CDH11: variants seen among roughly 807,000 people sequenced by gnomAD.
CDH11 encodes the protein cadherin 11, also known as cadherin-11.
A neutral mutation model predicts 67.8 loss-of-function variants in CDH11; 11 were observed. That is an observed-to-expected ratio of 0.16 (90% confidence interval 0.10 to 0.27). CDH11 has a LOEUF of 0.27. Among genes scored for constraint, CDH11 ranks in the 10% least tolerant of loss-of-function variants. The probability of loss-of-function intolerance (pLI) is 1.00; values close to 1 mark genes in which losing one functional copy is unlikely to be tolerated. For missense variants in CDH11, 847 were observed against 1,031.2 expected (o/e 0.82, Z 2.45); for synonymous variants, 419 against 400.0 (o/e 1.05, Z -0.57).
Position 64,945,301 on chromosome 16 carries a change from T to TAAAA in CDH11, c.*2298_*2301dup, listed in dbSNP as rs3046001. On this transcript the variant is annotated 3_prime_UTR_variant, in exon 13 of 13. Coordinates refer to ENST00000268603, the MANE Select transcript of CDH11 (RefSeq NM_001797.4). ...AGAGGCTTAACGAAAAAATAAAAGGTAAAAAAAAAAAAAAAAAAGAAAAAG... is the reference window on the plus strand; with the variant it reads ...AGAGGCTTAACGAAAAAATAAAAGGTAAAAAAAAAAAAAAAAAAAAAAGAAAAAG... The TAAAA allele has an allele frequency of 4.1e-5, 16 of 388,282 alleles. No homozygotes were observed. The highest frequency in any genetic ancestry group is 1.2e-4 in the African/African-American group (5 of 40,094). 24.1% of individuals were successfully genotyped at this position (388,282 alleles called of 1,614,324 possible).
rs2071199013 is a variant in CDH11, at chr16:64,946,442, T to C, written c.*1161A>G. The C allele has an allele frequency of 2.8e-5, 29 of 1,033,386 alleles. No homozygotes were observed. The East Asian group carries it at 1.8e-3, about 62-fold the overall frequency. The allele number at this position is 1,033,386 out of a possible 1,614,324, so 64.0% of individuals were successfully genotyped here. On this transcript the variant is annotated 3_prime_UTR_variant, in exon 13 of 13. Coordinates refer to ENST00000268603, the MANE Select transcript of CDH11 (RefSeq NM_001797.4). ...GGATTCATCTCTCATAACCATCAAATTACTGATATACAAGATAAATGCATA... is the reference window on the plus strand; with the variant it reads ...GGATTCATCTCTCATAACCATCAAACTACTGATATACAAGATAAATGCATA...
intron 1 of CDH11, among the ~76,000 whole-genome samples, chr16:65,055,013 C>A (rs2074119780): frequency 6.6e-6 from 1 of 152,212 alleles, no homozygotes; most frequent in African/African-American, 2.4e-5. Flanking sequence ...GTTTTGGTGA[C>A]TGTAGCAAGA....
intron 2 of CDH11, among the ~76,000 whole-genome samples, chr16:65,013,804 G>T (rs781200896): frequency 6.6e-6 from 1 of 151,272 alleles, no homozygotes; most frequent in Non-Finnish European, 1.5e-5. Context: ...TTCAGCCTGG[G>T]CAACAGAGCA....
chr16:65,000,175 A>G (rs966998946), intron 3 of CDH11, among the ~76,000 whole-genome samples: 1 of 152,220 alleles, frequency 6.6e-6, no homozygotes, highest in Non-Finnish European at 1.5e-5. Flanking sequence ...CAAGAAATCA[A>G]CTAGGTCTCT....
chr16:65,103,280 A>G (rs190015363), intron 1 of CDH11, among the ~76,000 whole-genome samples: 2 of 152,326 alleles, frequency 1.3e-5, no homozygotes, highest in Admixed American at 1.3e-4. Flanking sequence ...GTTTTAAACA[A>G]TTGTGTATGA....
chr16:65,100,193 A>T (rs2142853962), intron 1 of CDH11, among the ~76,000 whole-genome samples: 1 of 152,204 alleles, frequency 6.6e-6, no homozygotes, highest in Non-Finnish European at 1.5e-5. Context: ...GAAATATAGA[A>T]TATAGGGAAA....
intron 1 of CDH11, among the ~76,000 whole-genome samples, chr16:65,069,326 A>C (rs908461541): frequency 6.6e-6 from 1 of 152,224 alleles, no homozygotes; most frequent in African/African-American, 2.4e-5. Context: ...GACTAATTTG[A>C]ATAGTAGGAG....
chr16:65,053,945 G>T lies in CDH11; in HGVS notation c.-297-17C>A. 2.2e-6 allele frequency: 1 copy of T among 455,938 alleles called. No homozygotes were observed. Among genetic ancestry groups the T allele is most frequent in the South Asian group, 1.5e-5 (1 of 64,534 alleles). The allele number at this position is 455,938 out of a possible 1,614,324, so 28.2% of individuals were successfully genotyped here. On this transcript the variant is annotated splice_polypyrimidine_tract_variant and intron_variant, in intron 1 of 12. Transcript: ENST00000268603. ...CAGTGATTTCTGCAAAAAGTGAAAGGATCATTAGTAACCTAGTGGTGCCAT... is the reference window on the plus strand; with the variant it reads ...CAGTGATTTCTGCAAAAAGTGAAAGTATCATTAGTAACCTAGTGGTGCCAT...
At chr16:65,074,750 T>C (rs28378738) in intron 1 of CDH11, among the ~76,000 whole-genome samples, 6,648 of 152,064 alleles carry the variant, frequency 0.044, 515 homozygotes, top group African/African-American at 0.15. Context: ...ACAACTTAAC[T>C]GAAAGAAAAA....
At position 65,121,657 on chromosome 16, in the gene CDH11, C is replaced by G. The variant is rs1488777937; in HGVS notation, c.-298+223G>C. The stretch of plus-strand genomic sequence containing the variant: ...GAGCGCACATCTGAAGCCTCCGTCC[C>G]CTGCTTTGCCCGCGCCCACAGCTGG... On this transcript the variant is annotated intron_variant, in intron 1 of 12. Coordinates refer to ENST00000268603, the MANE Select transcript of CDH11 (RefSeq NM_001797.4). The surrounding 1 kb of genome is among the most constrained non-coding windows in gnomAD (Gnocchi z 4.1). 6.6e-6 allele frequency among the ~76,000 whole-genome samples: 1 copy of G among 152,208 alleles called. No homozygotes were observed. The highest frequency in any genetic ancestry group is 1.5e-5 in the Non-Finnish European group (1 of 68,032).
chr16:65,122,912 G>A (rs1169073218), upstream of CDH11, among the ~76,000 whole-genome samples: 2 of 152,206 alleles, frequency 1.3e-5, no homozygotes, highest in African/African-American at 2.4e-5. Flanking sequence ...GTCACTTGTT[G>A]CCACTCCCTC....
chr16:64,967,103 A>G (rs2071855530), intron 11 of CDH11, among the ~76,000 whole-genome samples: 1 of 152,262 alleles, frequency 6.6e-6, no homozygotes, highest in Admixed American at 6.5e-5. Context: ...CCTGGATGTG[A>G]GAAAATAAAA....
chr16:65,038,474 T>C (rs1160096604), intron 2 of CDH11, among the ~76,000 whole-genome samples: 1 of 152,208 alleles, frequency 6.6e-6, no homozygotes, highest in African/African-American at 2.4e-5. Flanking sequence ...GGGGAGATAA[T>C]GATTTAAGTG....
At chr16:65,045,529 A>G (rs182633004) in intron 2 of CDH11, among the ~76,000 whole-genome samples, 169 of 151,760 alleles carry the variant, frequency 1.1e-3, no homozygotes, top group Middle Eastern at 3.4e-3. Flanking sequence ...CTAGATCCTC[A>G]GCAGACACAA....
intron 1 of CDH11, among the ~76,000 whole-genome samples, chr16:65,116,779 A>G (rs867292843): frequency 6.6e-6 from 1 of 152,116 alleles, no homozygotes; most frequent in South Asian, 2.1e-4. Context: ...GAGAGGTACG[A>G]AGATCAGAAA....
In CDH11 at chr16:65,070,543, G is replaced by C. The variant is rs74026245; in HGVS notation, c.-297-16615C>G. 9.5e-3 allele frequency among the ~76,000 whole-genome samples: 1,451 copies of C among 152,262 alleles called. 30 individuals are homozygous for C. The highest frequency in any genetic ancestry group is 0.033 in the African/African-American group (1,366 of 41,542). The stretch of plus-strand genomic sequence containing the variant: ...CATTGCCCTGAAGATTAAAGAAGGG[G>C]TATACATAAGGCACTTGGCACCACC... On this transcript the variant is annotated intron_variant, in intron 1 of 12. Transcript: ENST00000268603.
intron 1 of CDH11, among the ~76,000 whole-genome samples, chr16:65,096,624 T>C (rs893394255): frequency 1.3e-4 from 19 of 150,960 alleles, no homozygotes; most frequent in African/African-American, 4.6e-4. Flanking sequence ...ATACACCAAC[T>C]ATATAGATTT....
At chr16:65,079,076 T>C (rs761198127) in intron 1 of CDH11, among the ~76,000 whole-genome samples, 2 of 152,188 alleles carry the variant, frequency 1.3e-5, no homozygotes, top group Non-Finnish European at 2.9e-5. Flanking sequence ...ATGCAAGGCA[T>C]TGCAAACCCA....
At position 64,983,144 on chromosome 16, in the gene CDH11, TAAAA is replaced by T. The variant is rs11385143; in HGVS notation, c.1000-847_1000-844del. ...TCCTTTTTTAAAATGCTTCTTTTTT[TAAAA>T]AAAAAAAGAATGCATATATATTAAA... On this transcript the variant is annotated intron_variant, in intron 7 of 12. Coordinates refer to ENST00000268603, the MANE Select transcript of CDH11 (RefSeq NM_001797.4). The T allele has an allele frequency of 6.5e-4, 95 of 145,992 alleles. 1 individual carries two copies. The highest frequency in any genetic ancestry group is 2.0e-3 in the African/African-American group (81 of 39,856). 9.0% of individuals were successfully genotyped at this position (145,992 alleles called of 1,614,324 possible).
Sources: gnomAD v4.1 joint callset for allele counts (sites outside exome capture counted in the v4.1 genomes callset) on GRCh38, gnomAD v4.1.1 for gene constraint, Gnocchi (gnomAD v3.1) non-coding constraint, MANE v1.5 for transcripts, NCBI Gene and HGNC (gene_info 2026-07-23, HGNC 2026-07-21) for gene names.